The following KANK2 variants were observed in gnomAD, a reference collection of about 807,000 sequenced individuals.
The protein encoded by KANK2 is KN motif and ankyrin repeat domains 2, also known as KN motif and ankyrin repeat domain-containing protein 2.
KANK2 carries 41 observed loss-of-function variants against 74.6 expected under a neutral mutation model. The observed-to-expected ratio is 0.55, with a 90% confidence interval of 0.43 to 0.71. The LOEUF is 0.71. Among genes scored for constraint, KANK2 ranks in the 30% least tolerant of loss-of-function variants. The pLI, the probability that KANK2 is intolerant of heterozygous loss-of-function variation, is 0.00. For synonymous variants in KANK2, 537 were observed against 519.0 expected, an observed-to-expected ratio of 1.03 and a Z score of -0.47; for missense variants, 1,148 against 1,196.4, an observed-to-expected ratio of 0.96 and a Z score of 0.60.
At chr19:11,196,615 A>T (rs8103044) in intron 1 of KANK2, 1 of 152,038 alleles carries the variant, frequency 6.6e-6, no homozygotes, top group Non-Finnish European at 1.5e-5. Context: ...GTCTGAGGGT[A>T]CTCAGTCATC....
Position 11,175,866 on chromosome 19 carries a change from G to A in KANK2, c.1848+36C>T, listed in dbSNP as rs764853448. Reference sequence around the variant, plus strand: ...CGGGTGGGGTGGAGGTAGGGGTCCGGGGGGTGGCCAACCTAGGCCCAGGGC... The same window carrying A: ...CGGGTGGGGTGGAGGTAGGGGTCCGAGGGGTGGCCAACCTAGGCCCAGGGC... On this transcript the variant is annotated intron_variant, in intron 8 of 12. Coordinates refer to ENST00000586659, the MANE Select transcript of KANK2 (RefSeq NM_001136191.3). 1.7e-5 allele frequency: 26 copies of A among 1,557,774 alleles called. No individual in the cohort carries two copies. In the South Asian group the frequency reaches 2.7e-4, roughly 16 times the overall value.
intron 7 of KANK2, 48 bp downstream of exon 7, chr19:11,176,530 T>C (rs1600811320): frequency 1.3e-6 from 2 of 1,518,242 alleles, no homozygotes; most frequent in Non-Finnish European, 8.8e-7. Flanking sequence ...GAGGCAGAGG[T>C]CATCCACCCC....
At position 11,188,414 on chromosome 19, in the gene KANK2, A is replaced by G. The variant is rs528607477; in HGVS notation, c.1249+4417T>C. Among the ~76,000 whole-genome samples the G allele has an allele frequency of 7.2e-5, 11 of 151,880 alleles. No homozygotes were observed. The East Asian group carries it at 2.1e-3, about 30-fold the overall frequency. On this transcript the variant is annotated intron_variant, in intron 4 of 12. Transcript: ENST00000586659. The stretch of plus-strand genomic sequence containing the variant: ...AGTAGGGGTTTTTGCCATGTTGCCC[A>G]AGCTGGTCTCGAGCTCCTGACCTCA...
rs533202138 is a variant in KANK2 at position 11,170,909 on chromosome 19, C to A, written c.2212-661G>T. On this transcript the variant is annotated intron_variant, in intron 10 of 12. Coordinates refer to ENST00000586659, the MANE Select transcript of KANK2 (RefSeq NM_001136191.3). The surrounding 1 kb of genome is among the most constrained non-coding windows in gnomAD (Gnocchi z 5.2). ...CAATCTCGGCTCACTGCAACCTCCA[C>A]CTCCTGGGTCCAAGCAACTCTCCTG... Among the ~76,000 whole-genome samples the A allele has an allele frequency of 1.3e-5, 2 of 152,312 alleles. No individual in the cohort carries two copies. The highest frequency in any genetic ancestry group is 3.9e-4 in the East Asian group (2 of 5,186).
rs528040501 is a variant in KANK2 at position 11,164,317 on chromosome 19, A to C, written c.*2241T>G. 1.3e-5 allele frequency: 2 copies of C among 152,316 alleles called. No homozygotes were observed. The highest frequency in any genetic ancestry group is 3.9e-4 in the East Asian group (2 of 5,182). The allele number at this position is 152,316 out of a possible 1,614,324, so 9.4% of individuals were successfully genotyped here. A position where few individuals can be genotyped will look rare whatever the true frequency, so the allele number is the denominator to read the frequency against. On this transcript the variant is annotated 3_prime_UTR_variant, in exon 13 of 13. Coordinates refer to ENST00000586659, the MANE Select transcript of KANK2 (RefSeq NM_001136191.3). ...TAAATTTGTTTACCTTCTAAAAAAA[A>C]CGATTACAAAAAAGAATACTTCATT...
chr19:11,188,971 C>T (rs2078756899), intron 4 of KANK2, among the ~76,000 whole-genome samples: 1 of 145,076 alleles, frequency 6.9e-6, no homozygotes, highest in South Asian at 2.2e-4. Flanking sequence ...GGTGGCAGTG[C>T]AAGACTCCAT....
At chr19:11,177,081 A>G (rs1009218241) in intron 6 of KANK2, among the ~76,000 whole-genome samples, 5 of 146,126 alleles carry the variant, frequency 3.4e-5, no homozygotes, top group Non-Finnish European at 7.4e-5. Flanking sequence ...CACTTCTAGC[A>G]TACTCACCCT....
Position 11,166,396 on chromosome 19 carries a change from G to C in KANK2, c.*162C>G. On this transcript the variant is annotated 3_prime_UTR_variant, in exon 13 of 13. Coordinates refer to ENST00000586659, the MANE Select transcript of KANK2 (RefSeq NM_001136191.3). ...CACTTGGAGCTGGAGTCCTGTGGCC[G>C]TCGGGGCTCCCCCAGGGAAGCAGAG... 1.5e-6 allele frequency: 1 copy of C among 649,334 alleles called. No homozygotes were observed. The highest frequency in any genetic ancestry group is 2.7e-6 in the Non-Finnish European group (1 of 374,994). 40.2% of individuals were successfully genotyped at this position (649,334 alleles called of 1,614,324 possible).
rs1465642367 is a variant in KANK2 at position 11,174,536 on chromosome 19, T to TGTTGCC, written c.1999_2004dup (p.Gly667_Asn668dup). ...TGAGACACGGAGTAGTGCAGGGCTG[T>TGTTGCC]GTTGCCGTTGCTGTCGGCGATGTTG... On this transcript the variant is annotated inframe_insertion, in exon 9 of 13. Coordinates refer to ENST00000586659, the MANE Select transcript of KANK2 (RefSeq NM_001136191.3). 6.2e-7 allele frequency: 1 copy of TGTTGCC among 1,613,608 alleles called. No homozygotes were observed. The highest frequency in any genetic ancestry group is 8.5e-7 in the Non-Finnish European group (1 of 1,179,868).
intron 10 of KANK2, 57 bp downstream of exon 10, chr19:11,172,924 G>A (rs965598518): frequency 1.4e-4 from 221 of 1,580,348 alleles, no homozygotes; most frequent in Middle Eastern, 1.2e-3. Flanking sequence ...TCACTCAGCT[G>A]GGATGTCATA....
At chr19:11,169,262 T>C (rs1425347994) in intron 12 of KANK2, among the ~76,000 whole-genome samples, 1 of 151,924 alleles carries the variant, frequency 6.6e-6, no homozygotes, top group East Asian at 1.9e-4. Context: ...TGCTCGAACC[T>C]GGGAGATACA....
intron 4 of KANK2, among the ~76,000 whole-genome samples, chr19:11,181,838 A>AAAAC (rs1409618567): frequency 6.6e-6 from 1 of 152,126 alleles, no homozygotes; most frequent in Non-Finnish European, 1.5e-5. Flanking sequence ...AATACAAGAA[A>AAAAC]AAACAAACAA....
chr19:11,197,243 G>C (rs1442392988), intron 1 of KANK2: 2 of 150,106 alleles, frequency 1.3e-5, no homozygotes, highest in African/African-American at 4.9e-5. Flanking sequence ...GGGGGTACTG[G>C]GAGGAATCGA....
chr19:11,174,753 C>G, intron 8 of KANK2, 61 bp from the exon 9 acceptor site: 1 of 1,351,684 alleles, frequency 7.4e-7, no homozygotes, highest in Non-Finnish European at 1.0e-6. Flanking sequence ...GGACACCCCC[C>G]ACCCCAGATG....
chr19:11,168,286 G>A (rs1246924058), intron 12 of KANK2, among the ~76,000 whole-genome samples: 3 of 151,320 alleles, frequency 2.0e-5, no homozygotes, highest in African/African-American at 7.3e-5. Flanking sequence ...TTACAGGCAT[G>A]AGCCACCACG....
chr19:11,174,667 T>C lies in KANK2; in HGVS notation c.1874A>G (p.Gln625Arg). Residue 625 changes from glutamine to arginine, a missense_variant, in exon 9 of 13, where the codon CAG (glutamine) becomes CGG (arginine). Transcript: ENST00000586659. ...GCGGCAGGCCAGGCGCAGCCACTCC[T>C]GCAGCACTGTGGTGTAGGCCACTTT... ...ELKVAYTTVLQEWLRLACRSD... is the reference protein window; with the variant it reads ...ELKVAYTTVLREWLRLACRSD... The C allele has an allele frequency of 6.2e-7, 1 of 1,607,980 alleles. No homozygotes were observed. Among genetic ancestry groups the C allele is most frequent in the Non-Finnish European group, 8.5e-7 (1 of 1,178,062 alleles).
intron 7 of KANK2, 93 bp downstream of exon 7, chr19:11,176,485 G>A (rs914001753): frequency 8.0e-6 from 11 of 1,375,168 alleles, no homozygotes; most frequent in African/African-American, 1.5e-5. Flanking sequence ...TGACTGATAG[G>A]AGGGTCCTTC....
chr19:11,181,541 C>G (rs944889654), intron 4 of KANK2, among the ~76,000 whole-genome samples: 25 of 152,078 alleles, frequency 1.6e-4, no homozygotes, highest in Admixed American at 4.6e-4. Flanking sequence ...ACCACTGCGC[C>G]CAGCCCTAGA....
rs148436602 is a variant in KANK2, at chr19:11,193,920, C to T, written c.160G>A (p.Glu54Lys). The T allele has an allele frequency of 1.2e-5, 19 of 1,613,790 alleles. No individual in the cohort carries two copies. Among genetic ancestry groups the T allele is most frequent in the Non-Finnish European group, 1.4e-5 (17 of 1,180,006 alleles). ...ACGCGTCGCAGCGTGTGGCCCTTCT[C>T]GATGTCATCCACGTACTTGAGGAAG... Reference protein sequence around the residue: ...LDFLKYVDDIEKGHTLRRVAV... With the variant: ...LDFLKYVDDIKKGHTLRRVAV... Residue 54 changes from glutamate to lysine, a missense_variant, in exon 4 of 13, where the codon GAG becomes AAG. By Grantham distance (56) the Glu-to-Lys change is moderately conservative. Coordinates refer to ENST00000586659, the MANE Select transcript of KANK2 (RefSeq NM_001136191.3). The surrounding 1 kb of genome is among the most constrained non-coding windows in gnomAD (Gnocchi z 9.6).
Sources: allele counts gnomAD v4.1 joint callset (sites outside exome capture counted in the v4.1 genomes callset), GRCh38; gene constraint gnomAD v4.1.1; non-coding constraint Gnocchi (gnomAD v3.1); transcripts MANE v1.5; gene names NCBI Gene and HGNC (gene_info 2026-07-23, HGNC 2026-07-21).